The following FBXO34 variants were observed in gnomAD, a reference collection of about 807,000 sequenced individuals.
The protein encoded by FBXO34 is F-box only protein 34.
In FBXO34, 12 loss-of-function variants were observed where a neutral mutation model predicts 24.5. The ratio of observed to expected loss-of-function variants is 0.49; its 90% confidence interval spans 0.31 to 0.79. FBXO34 has a LOEUF of 0.79. Ranked by LOEUF, FBXO34 falls within the 30% of genes least tolerant of loss-of-function variation. The pLI, the probability that FBXO34 is intolerant of heterozygous loss-of-function variation, is 0.04. For synonymous variants in FBXO34, 320 were observed against 311.9 expected, an observed-to-expected ratio of 1.03 and a Z score of -0.27; for missense variants, 823 against 857.7, an observed-to-expected ratio of 0.96 and a Z score of 0.51.
At chr14:55,431,885 A>G in the FBXO34 span, among the ~76,000 whole-genome samples, 13 of 152,352 alleles carry the variant, frequency 8.5e-5, no homozygotes, top group African/African-American at 3.1e-4. Flanking sequence ...CATTGCATTA[A>G]ACAGTGCAGA....
chr14:55,295,018 G>T (rs1789582949), intron 1 of FBXO34, among the ~76,000 whole-genome samples: 1 of 152,216 alleles, frequency 6.6e-6, no homozygotes, highest in Admixed American at 6.5e-5. Flanking sequence ...AACCTACCTT[G>T]TAATAAAGTG....
At chr14:55,319,302 G>A (rs79886209) in intron 1 of FBXO34, among the ~76,000 whole-genome samples, 2,210 of 152,218 alleles carry the variant, frequency 0.015, 63 homozygotes, top group African/African-American at 0.05. Context: ...ACATGTGATC[G>A]ATTTTTAGGT....
chr14:55,328,790 G>A (rs1304402042), intron 1 of FBXO34, among the ~76,000 whole-genome samples: 1 of 152,160 alleles, frequency 6.6e-6, no homozygotes, highest in Non-Finnish European at 1.5e-5. Flanking sequence ...GTGCCCTGGG[G>A]TATTGCAGTG....
the FBXO34 span, chr14:55,411,591 G>A: frequency 1.9e-6 from 3 of 1,598,662 alleles, no homozygotes; most frequent in African/African-American, 1.3e-5. Flanking sequence ...GGGCCGTGGC[G>A]GCCGCCGTAC....
chr14:55,357,639 A>G (rs976981703), downstream of FBXO34, among the ~76,000 whole-genome samples: 43 of 152,114 alleles, frequency 2.8e-4, no homozygotes, highest in African/African-American at 9.6e-4. Context: ...GGAAAGTGAG[A>G]CTCTGTCGTT....
At chr14:55,380,877 T>TATATATATATATATATATA in the FBXO34 span, among the ~76,000 whole-genome samples, 1 of 43,714 alleles carries the variant, frequency 2.3e-5, no homozygotes, top group African/African-American at 1.9e-4. Flanking sequence ...ATATATATAT[T>TATATATATATATATATATA]TTTTTTTTTT....
chr14:55,356,462 T>G (rs1884524346), downstream of FBXO34, among the ~76,000 whole-genome samples: 1 of 152,086 alleles, frequency 6.6e-6, no homozygotes, highest in African/African-American at 2.4e-5. Flanking sequence ...GGTTTGTTTG[T>G]TTTGAGATGG....
intron 3 of FBXO34, among the ~76,000 whole-genome samples, chr14:55,361,284 G>A (rs115308636): frequency 0.012 from 1,886 of 152,308 alleles, 45 homozygotes; most frequent in African/African-American, 0.042. Flanking sequence ...GGATGACCAG[G>A]TACAATGTCA....
chr14:55,401,515 A>G, the FBXO34 span, among the ~76,000 whole-genome samples: 3 of 152,162 alleles, frequency 2.0e-5, no homozygotes, highest in African/African-American at 7.2e-5. Flanking sequence ...TTTCTCTCCC[A>G]ATTAAAAAAG....
rs1884347502 is a variant in FBXO34 at position 55,351,073 on chromosome 14, A to G, written c.683A>G (p.Asn228Ser). 6.2e-7 allele frequency: 1 copy of G among 1,614,074 alleles called. No homozygotes were observed. Among genetic ancestry groups the G allele is most frequent in the South Asian group, 1.1e-5 (1 of 91,086 alleles). The change falls in exon 2 of 2, where the codon AAC becomes AGC. Residue 228 changes from asparagine to serine, a missense_variant. Physicochemically the swap from Asn to Ser is conservative, Grantham distance 46 (BLOSUM62 1). This residue lies in a region of FBXO34 where 693 missense variants were observed against 659.1 expected (regional missense o/e 1.05). Transcript: ENST00000313833. ...ASALLASCSK[N>S]CTNSPAIVRF... ...GCTCTGCTAGCTAGCTGTTCAAAAA[A>G]CTGCACAAACTCACCTGCAATTGTG...
chr14:55,320,801 A>G (rs890644568), intron 1 of FBXO34, among the ~76,000 whole-genome samples: 6 of 152,218 alleles, frequency 3.9e-5, no homozygotes, highest in African/African-American at 1.4e-4. Context: ...GAATAATTTT[A>G]ATGTATAGTC....
the FBXO34 span, chr14:55,381,969 CT>C: frequency 6.2e-7 from 1 of 1,613,592 alleles, no homozygotes. Context: ...CACCAGGCCC[CT>C]GGGTTGTTTT....
intron 1 of FBXO34, among the ~76,000 whole-genome samples, chr14:55,314,934 A>G (rs1209426153): frequency 6.6e-6 from 1 of 152,118 alleles, no homozygotes; most frequent in Non-Finnish European, 1.5e-5. Flanking sequence ...ATTTACCTCC[A>G]TGTTCTTAAC....
chr14:55,438,188 T>C, the FBXO34 span, among the ~76,000 whole-genome samples: 6 of 152,212 alleles, frequency 3.9e-5, no homozygotes. Flanking sequence ...GAATGCACCG[T>C]GTTGCATCTT....
At chr14:55,302,831 T>TA (rs1882410537) in intron 1 of FBXO34, among the ~76,000 whole-genome samples, 1 of 152,214 alleles carries the variant, frequency 6.6e-6, no homozygotes, top group South Asian at 2.1e-4. Context: ...GAAAATCTTT[T>TA]AAAAACTAAT....
chr14:55,280,487 G>A (rs867679626), intron 1 of FBXO34, among the ~76,000 whole-genome samples: 1 of 150,058 alleles, frequency 6.7e-6, no homozygotes, highest in Non-Finnish European at 1.5e-5. Flanking sequence ...TAGAATGTGC[G>A]TAGGTTATAT....
At chr14:55,399,200 C>A in the FBXO34 span, among the ~76,000 whole-genome samples, 1 of 152,122 alleles carries the variant, frequency 6.6e-6, no homozygotes, top group East Asian at 1.9e-4. Flanking sequence ...ATACATTAAA[C>A]AGAAAAAGCA....
chr14:55,363,146 C>T (rs1358280773), downstream of FBXO34, among the ~76,000 whole-genome samples: 1 of 151,152 alleles, frequency 6.6e-6, no homozygotes, highest in African/African-American at 2.4e-5. Context: ...CGTCAGACTC[C>T]TGAGTAGTTG....
intron 1 of FBXO34, among the ~76,000 whole-genome samples, chr14:55,322,651 A>G (rs1179582891): frequency 6.6e-6 from 1 of 152,114 alleles, no homozygotes; most frequent in Non-Finnish European, 1.5e-5. Flanking sequence ...CATGGAAATT[A>G]ACCTTTTGTG....
Sources: gnomAD v4.1 joint callset for allele counts (sites outside exome capture counted in the v4.1 genomes callset) on GRCh38, gnomAD v4.1.1 for gene constraint, gnomAD v4.1.1 regional missense constraint, MANE v1.5 for transcripts, NCBI Gene and HGNC (gene_info 2026-07-23, HGNC 2026-07-21) for gene names.